NCKAP5: variants seen among roughly 807,000 people sequenced by gnomAD.
NCKAP5 encodes the protein NCK associated protein 5.
Under a neutral mutation model 167.0 loss-of-function variants are expected in NCKAP5, and 92 were observed. That is an observed-to-expected ratio of 0.55 (90% CI 0.47 to 0.66). The LOEUF is 0.66. Among genes scored for constraint, NCKAP5 ranks in the 30% least tolerant of loss-of-function variants. The probability of loss-of-function intolerance (pLI) is 0.00; values close to 1 mark genes in which losing one functional copy is unlikely to be tolerated. For synonymous variants in NCKAP5, 891 were observed against 877.4 expected (o/e 1.02, Z -0.27); for missense variants, 2,378 against 2,315.0 (o/e 1.03, Z -0.56).
At chr2:133,587,197 C>T in the NCKAP5 span, among the ~76,000 whole-genome samples, 1,330 of 152,168 alleles carry the variant, frequency 8.7e-3, 30 homozygotes, top group African/African-American at 0.03. Context: ...CATGAGAGGC[C>T]GGGAGCCAGA....
chr2:133,140,507 A>T (rs2082957532), intron 5 of NCKAP5, among the ~76,000 whole-genome samples: 1 of 151,940 alleles, frequency 6.6e-6, no homozygotes, highest in Non-Finnish European at 1.5e-5. Flanking sequence ...GGATTCCAAG[A>T]TTTTTCATCC....
chr2:132,734,758 T>A (rs1381095853), intron 16 of NCKAP5, among the ~76,000 whole-genome samples: 2 of 152,208 alleles, frequency 1.3e-5, no homozygotes, highest in South Asian at 2.1e-4. Flanking sequence ...TCCAAGGTCA[T>A]ATGCTGTAAA....
chr2:133,484,032 A>G (rs967126048), intron 3 of NCKAP5, among the ~76,000 whole-genome samples: 1 of 152,142 alleles, frequency 6.6e-6, no homozygotes, highest in African/African-American at 2.4e-5. Flanking sequence ...ATGGGGAATC[A>G]TTTGGCTATT....
intron 3 of NCKAP5, among the ~76,000 whole-genome samples, chr2:133,482,287 G>A (rs557024264): frequency 7.4e-5 from 11 of 148,882 alleles, no homozygotes; most frequent in African/African-American, 2.2e-4. Flanking sequence ...GTGTGATCTC[G>A]GCTCACTGCA....
chr2:132,876,529 C>T (rs1399068108), intron 9 of NCKAP5, among the ~76,000 whole-genome samples: 2 of 152,162 alleles, frequency 1.3e-5, no homozygotes, highest in Non-Finnish European at 2.9e-5. Context: ...AAAGAATTTC[C>T]AGTTGGCATT....
intron 8 of NCKAP5, among the ~76,000 whole-genome samples, chr2:132,887,305 T>C (rs553340296): frequency 6.5e-4 from 96 of 147,952 alleles, no homozygotes; most frequent in Admixed American, 6.0e-3. Flanking sequence ...CATCCACCCA[T>C]AGCAACTTTT....
rs572035062 is a variant in NCKAP5 at position 133,168,849 on chromosome 2, TAA to T, written c.208-38740_208-38739del. Among the ~76,000 whole-genome samples the T allele has an allele frequency of 4.9e-4, 75 of 152,332 alleles. No individual in the cohort carries two copies. In the South Asian group the frequency reaches 0.016, roughly 32 times the overall value. On this transcript the variant is annotated intron_variant, in intron 5 of 19. Coordinates refer to ENST00000409261, the MANE Select transcript of NCKAP5 (RefSeq NM_207363.3). ...CAGGAGACTCAAAGTACTTCTCAAA[TAA>T]AGAGTGTATTCCTCACTGTGTGGTA...
At chr2:132,993,092 T>G (rs1189805936) in intron 7 of NCKAP5, among the ~76,000 whole-genome samples, 3 of 152,196 alleles carry the variant, frequency 2.0e-5, no homozygotes, top group Non-Finnish European at 2.9e-5. Context: ...AATGCCACAT[T>G]ATGCTAATCA....
At chr2:132,688,616 T>C (rs532931184) in intron 19 of NCKAP5, among the ~76,000 whole-genome samples, 5 of 151,924 alleles carry the variant, frequency 3.3e-5, no homozygotes, top group African/African-American at 9.7e-5. Flanking sequence ...GCCTGCGGGG[T>C]TGGGCAGCAG....
At chr2:132,742,905 C>G (rs1048418864) in intron 16 of NCKAP5, among the ~76,000 whole-genome samples, 1 of 151,850 alleles carries the variant, frequency 6.6e-6, no homozygotes, top group Admixed American at 6.6e-5. Context: ...CTTTCCATTT[C>G]AGTGGCTACC....
intron 19 of NCKAP5, among the ~76,000 whole-genome samples, chr2:132,690,322 G>A (rs918223892): frequency 5.9e-5 from 9 of 152,182 alleles, no homozygotes; most frequent in African/African-American, 2.2e-4. Context: ...GCTGGTTCCT[G>A]CTTTGTGTCC....
chr2:133,419,461 T>G (rs1037275917), intron 3 of NCKAP5, among the ~76,000 whole-genome samples: 2 of 152,194 alleles, frequency 1.3e-5, no homozygotes, highest in Admixed American at 6.5e-5. Context: ...CTTGAAAAAC[T>G]AGAAGACATG....
intron 3 of NCKAP5, among the ~76,000 whole-genome samples, chr2:133,432,335 TGATACCCTAAAC>T: frequency 6.6e-6 from 1 of 152,226 alleles, no homozygotes; most frequent in Non-Finnish European, 1.5e-5. Flanking sequence ...GCAGAAATGC[TGATACCCTAAAC>T]ATTTATTTAA....
At chr2:133,230,031 A>C (rs1160903056) in intron 4 of NCKAP5, among the ~76,000 whole-genome samples, 1 of 152,120 alleles carries the variant, frequency 6.6e-6, no homozygotes, top group Non-Finnish European at 1.5e-5. Context: ...CCCCACTGAT[A>C]CTAGACTTGG....
chr2:133,090,270 A>G (rs2081130186), intron 6 of NCKAP5, among the ~76,000 whole-genome samples: 1 of 152,076 alleles, frequency 6.6e-6, no homozygotes, highest in Non-Finnish European at 1.5e-5. Flanking sequence ...GTAATTAGGT[A>G]AAGGATCCTG....
intron 3 of NCKAP5, among the ~76,000 whole-genome samples, chr2:133,343,212 A>C (rs1683714696): frequency 6.6e-6 from 1 of 152,196 alleles, no homozygotes; most frequent in Admixed American, 6.5e-5. Context: ...ATGTTATGTC[A>C]CTGAACATAT....
chr2:133,157,134 A>G (rs2083604038), intron 5 of NCKAP5, among the ~76,000 whole-genome samples: 1 of 152,110 alleles, frequency 6.6e-6, no homozygotes, highest in Non-Finnish European at 1.5e-5. Context: ...GTCAATAGCT[A>G]TTTTCTATAT....
At chr2:133,494,588 G>A (rs763227593) in intron 3 of NCKAP5, among the ~76,000 whole-genome samples, 26 of 152,156 alleles carry the variant, frequency 1.7e-4, no homozygotes, top group Non-Finnish European at 2.9e-4. Flanking sequence ...CCTGAAACTC[G>A]ACTTCAGGCC....
intron 3 of NCKAP5, among the ~76,000 whole-genome samples, chr2:133,353,481 C>T (rs1382306185): frequency 2.0e-5 from 3 of 152,148 alleles, no homozygotes; most frequent in Non-Finnish European, 4.4e-5. Flanking sequence ...TTGATATAGA[C>T]AGGAGACAGG....
Sources: allele counts gnomAD v4.1 joint callset (sites outside exome capture counted in the v4.1 genomes callset), GRCh38; gene constraint gnomAD v4.1.1; transcripts MANE v1.5; gene names NCBI Gene and HGNC (gene_info 2026-07-23, HGNC 2026-07-21).